SMIM26: variants seen among roughly 807,000 people sequenced by gnomAD.
The protein encoded by SMIM26 is small integral membrane protein 26, also known as long intergenic non-protein coding RNA 493.
SMIM26 carries 2 observed loss-of-function variants against 2.5 expected under a neutral mutation model. The ratio of observed to expected loss-of-function variants is 0.80; its 90% CI spans 0.33 to 2.53. SMIM26 has a LOEUF of 2.53. Among genes scored for constraint, SMIM26 ranks in the 30% most tolerant of loss-of-function variants. SMIM26 has a pLI of 0.11. For missense variants in SMIM26, 77 were observed against 46.1 expected (o/e 1.67, Z -1.94); for synonymous variants, 32 against 17.8 (o/e 1.80, Z -2.01).
intron 1 of SMIM26, among the ~76,000 whole-genome samples, 196 bp downstream of exon 1, chr20:18,567,792 A>G (rs913946992): frequency 6.6e-6 from 1 of 152,224 alleles, no homozygotes; most frequent in Non-Finnish European, 1.5e-5. Context: ...TACCTTGTAA[A>G]TATTGTTTCC....
intron 1 of SMIM26, among the ~76,000 whole-genome samples, chr20:18,568,342 A>G (rs1363404510): frequency 6.6e-6 from 1 of 152,170 alleles, no homozygotes; most frequent in Non-Finnish European, 1.5e-5. Context: ...GTCCAGCATT[A>G]AGCATTTAAA....
In SMIM26 at chr20:18,567,535, C is replaced by T. The variant is rs918514800; in HGVS notation, c.57C>T (p.Ile19=). The T allele has an allele frequency of 2.8e-6, 2 of 702,828 alleles. No homozygotes were observed. The highest frequency in any genetic ancestry group is 3.5e-5 in the African/African-American group (2 of 57,238). The allele number at this position is 702,828 out of a possible 1,614,324, so 43.5% of individuals were successfully genotyped here. The change falls in exon 1 of 2, where the codon ATC becomes ATT. Residue 19 remains isoleucine (I), a synonymous_variant. Coordinates refer to ENST00000411646, the MANE Select transcript of SMIM26 (RefSeq NM_001348957.2). ...WYRRMSVVYG[I]GTWSVLGSLL... ...GGCGGATGTCGGTGGTCTACGGGAT[C>T]GGCACCTGGTCTGTGTTGGGCTCAC...
At position 18,569,197 on chromosome 20, in the gene SMIM26, A is replaced by T. The variant is rs773965265; in HGVS notation, c.119-39A>T. ...TGACTGCTTTCTAAGTTAATAATTC[A>T]GGTGTTCTTTTTTTTTTTTTCTCTT... On this transcript the variant is annotated intron_variant, in intron 1 of 1. Coordinates refer to ENST00000411646, the MANE Select transcript of SMIM26 (RefSeq NM_001348957.2). The T allele has an allele frequency of 9.6e-6, 6 of 624,876 alleles. No homozygotes were observed. In the South Asian group the frequency reaches 1.1e-4, roughly 11 times the overall value. 38.7% of individuals were successfully genotyped at this position (624,876 alleles called of 1,614,324 possible).
chr20:18,568,553 C>G (rs553283954), intron 1 of SMIM26: 1 of 151,020 alleles, frequency 6.6e-6, no homozygotes, highest in African/African-American at 2.4e-5. Flanking sequence ...AAATACTTTA[C>G]ATTTATATAT....
intron 1 of SMIM26, 133 bp downstream of exon 1, chr20:18,567,729 C>T: frequency 1.6e-6 from 1 of 634,320 alleles, no homozygotes; most frequent in South Asian, 1.8e-5. Flanking sequence ...CGGGTGCTAA[C>T]AGCCGTTTGT....
chr20:18,569,176 T>C, intron 1 of SMIM26, 60 bp from the exon 2 acceptor site: 1 of 623,918 alleles, frequency 1.6e-6, no homozygotes, highest in Non-Finnish European at 2.8e-6. Context: ...CTTTAATGAC[T>C]GCTTTCTAAG....
rs1386637868 is a variant in SMIM26 at position 18,567,546 on chromosome 20, C to T, written c.68C>T (p.Ser23Phe). 5.7e-6 allele frequency: 4 copies of T among 703,068 alleles called. No homozygotes were observed. The South Asian group carries it at 5.9e-5, about 10-fold the overall frequency. 43.6% of individuals were successfully genotyped at this position (703,068 alleles called of 1,614,324 possible). A position where few individuals can be genotyped will look rare whatever the true frequency, so the allele number is the denominator to read the frequency against. ...GTGGTCTACGGGATCGGCACCTGGT[C>T]TGTGTTGGGCTCACTGCTTTACTAT... is the stretch of plus-strand genomic sequence containing the variant. ...MSVVYGIGTW[S>F]VLGSLLYYSR... Residue 23 changes from serine (S) to phenylalanine (F), a missense_variant, in exon 1 of 2, where the codon TCT becomes TTT. Coordinates refer to ENST00000411646, the MANE Select transcript of SMIM26 (RefSeq NM_001348957.2).
chr20:18,567,628 C>A (rs942340453), intron 1 of SMIM26, 32 bp downstream of exon 1: 44 of 701,482 alleles, frequency 6.3e-5, no homozygotes, highest in African/African-American at 1.1e-4. Context: ...TGCCCCGGAA[C>A]ACACGGCCTT....
intron 1 of SMIM26, among the ~76,000 whole-genome samples, chr20:18,568,055 T>A (rs558127670): frequency 6.6e-6 from 1 of 152,016 alleles, no homozygotes. Context: ...TGGAAATCTG[T>A]AGAGACATTA....
chr20:18,567,690 C>T (rs1600293308), intron 1 of SMIM26, 94 bp downstream of exon 1: 2 of 684,362 alleles, frequency 2.9e-6, no homozygotes, highest in South Asian at 3.0e-5. Flanking sequence ...CCTTTAAATC[C>T]CAGGTTTATT....
rs1183893056 is a variant in SMIM26, at chr20:18,567,538, C to T, written c.60C>T (p.Gly20=). 8.5e-6 allele frequency: 6 copies of T among 703,006 alleles called. No individual in the cohort carries two copies. The highest frequency in any genetic ancestry group is 1.6e-5 in the Non-Finnish European group (6 of 384,996). The allele number at this position is 703,006 out of a possible 1,614,324, so 43.5% of individuals were successfully genotyped here. The change falls in exon 1 of 2, where the codon GGC becomes GGT. Residue 20 remains glycine, a synonymous_variant. Coordinates refer to ENST00000411646, the MANE Select transcript of SMIM26 (RefSeq NM_001348957.2). ...GGATGTCGGTGGTCTACGGGATCGG[C>T]ACCTGGTCTGTGTTGGGCTCACTGC... The part of the protein sequence containing the change: ...YRRMSVVYGI[G]TWSVLGSLLY...
intron 1 of SMIM26, among the ~76,000 whole-genome samples, chr20:18,568,384 T>C (rs1193110648): frequency 6.6e-6 from 1 of 152,138 alleles, no homozygotes; most frequent in African/African-American, 2.4e-5. Flanking sequence ...GGCTCACGCC[T>C]GTAATCCCAT....
chr20:18,568,094 A>G (rs550472933), intron 1 of SMIM26, among the ~76,000 whole-genome samples: 1 of 151,974 alleles, frequency 6.6e-6, no homozygotes, highest in South Asian at 2.1e-4. Flanking sequence ...CTAGGGGCTG[A>G]GGGGTTGGGG....
rs2060517539 is a variant in SMIM26 at position 18,567,520 on chromosome 20, G to C, written c.42G>C (p.Ser14=). The change falls in exon 1 of 2, where the codon TCG becomes TCC. Residue 14 remains serine (S), a synonymous_variant. Transcript: ENST00000411646. The part of the protein sequence containing the change: ...NEFTAWYRRM[S]VVYGIGTWSV... ...TCACGGCCTGGTACCGGCGGATGTC[G>C]GTGGTCTACGGGATCGGCACCTGGT... 1 of 702,924 alleles carries C rather than the reference G, an allele frequency of 1.4e-6. No individual in the cohort carries two copies. Among genetic ancestry groups the C allele is most frequent in the Admixed American group, 2.0e-5 (1 of 50,000 alleles). The allele number at this position is 702,924 out of a possible 1,614,324, so 43.5% of individuals were successfully genotyped here.
Position 18,569,241 on chromosome 20 carries a change from C to T in SMIM26, c.124C>T (p.Gln42Ter). 1.4e-6 allele frequency: 1 copy of T among 693,222 alleles called. No homozygotes were observed. 42.9% of individuals were successfully genotyped at this position (693,222 alleles called of 1,614,324 possible). A position where few individuals can be genotyped will look rare whatever the true frequency, so the allele number is the denominator to read the frequency against. Residue 42 changes from glutamine to a stop codon, truncating the protein, a stop_gained, in exon 2 of 2, where the codon CAA becomes TAA. Coordinates refer to ENST00000411646, the MANE Select transcript of SMIM26 (RefSeq NM_001348957.2). LOFTEE classifies it low-confidence loss of function (END_TRUNC). ...TTCTCTTAATGGTGATAAAGTAGAC[C>T]AAAAGGATGGCTCAGCAAGTGAAGT... ...SRTMAKSSVD[Q>*]KDGSASEVPS...
intron 1 of SMIM26, 138 bp from the exon 2 acceptor site, chr20:18,569,098 T>C (rs2060523458): frequency 1.4e-5 from 8 of 562,554 alleles, no homozygotes; most frequent in Non-Finnish European, 2.5e-5. Context: ...CCCTTCCTTT[T>C]CATTCCTTCC....
In SMIM26 at chr20:18,567,551, T is replaced by C; in HGVS notation, c.73T>C (p.Leu25=). The C allele has an allele frequency of 1.4e-6, 1 of 703,058 alleles. No homozygotes were observed. The allele number at this position is 703,058 out of a possible 1,614,324, so 43.6% of individuals were successfully genotyped here. A position where few individuals can be genotyped will look rare whatever the true frequency, so the allele number is the denominator to read the frequency against. The part of the protein sequence containing the change: ...VVYGIGTWSV[L]GSLLYYSRTM... ...CTACGGGATCGGCACCTGGTCTGTGTTGGGCTCACTGCTTTACTATAGCCG... is the reference window on the plus strand; with the variant it reads ...CTACGGGATCGGCACCTGGTCTGTGCTGGGCTCACTGCTTTACTATAGCCG... Residue 25 remains leucine, a synonymous_variant, in exon 1 of 2, where the codon TTG becomes CTG. Coordinates refer to ENST00000411646, the MANE Select transcript of SMIM26 (RefSeq NM_001348957.2).
chr20:18,568,214 G>T (rs140624959), intron 1 of SMIM26, among the ~76,000 whole-genome samples: 2 of 152,222 alleles, frequency 1.3e-5, no homozygotes, highest in African/African-American at 2.4e-5. Flanking sequence ...ACATTAAATT[G>T]TATATTTTAA....
Position 18,569,323 on chromosome 20 carries a change from A to G in SMIM26, c.206A>G (p.Tyr69Cys), listed in dbSNP as rs1339893479. The part of the protein sequence containing the change: ...KGFYVETVVT[Y>C]KEDFVPNTEK... ...TTTTATGTGGAAACAGTTGTCACAT[A>G]TAAAGAAGATTTTGTTCCAAATACA... is the stretch of plus-strand genomic sequence containing the variant. Residue 69 changes from tyrosine to cysteine, a missense_variant, in exon 2 of 2, where the codon TAT becomes TGT. Tyr to Cys is a radical substitution (Grantham distance 194, BLOSUM62 -2). Coordinates refer to ENST00000411646, the MANE Select transcript of SMIM26 (RefSeq NM_001348957.2). 1 of 702,910 alleles carries G rather than the reference A, an allele frequency of 1.4e-6. No homozygotes were observed. The highest frequency in any genetic ancestry group is 1.5e-5 in the South Asian group (1 of 67,606). The allele number at this position is 702,910 out of a possible 1,614,324, so 43.5% of individuals were successfully genotyped here. A position where few individuals can be genotyped will look rare whatever the true frequency, so the allele number is the denominator to read the frequency against.
Sources: allele counts gnomAD v4.1 joint callset (sites outside exome capture counted in the v4.1 genomes callset), GRCh38; gene constraint gnomAD v4.1.1; transcripts MANE v1.5; gene names NCBI Gene and HGNC (gene_info 2026-07-23, HGNC 2026-07-21).